SPATA17: variants seen among roughly 807,000 people sequenced by gnomAD.
SPATA17 encodes spermatogenesis-associated protein 17.
Under a neutral mutation model 62.2 loss-of-function variants are expected in SPATA17, and 53 were observed. The observed-to-expected ratio is 0.85, with a 90% CI of 0.68 to 1.07. SPATA17 has a LOEUF of 1.07. SPATA17 is among the 50% of genes least tolerant of loss of function. The pLI, the probability that SPATA17 is intolerant of heterozygous loss-of-function variation, is 0.00. For missense variants in SPATA17, 466 were observed against 425.5 expected (o/e 1.10, Z -0.84); for synonymous variants, 146 against 146.8 (o/e 0.99, Z 0.04).
In SPATA17 at chr1:217,732,084, T is replaced by TTCTCTC. The variant is rs60691625; in HGVS notation, c.396-9873_396-9868dup. Among the ~76,000 whole-genome samples the TTCTCTC allele has an allele frequency of 4.2e-4, 63 of 148,822 alleles. 1 individual carries two copies. The highest frequency in any genetic ancestry group is 8.1e-4 in the African/African-American group (33 of 40,640). On this transcript the variant is annotated intron_variant, in intron 5 of 10. Coordinates refer to ENST00000366933, the MANE Select transcript of SPATA17 (RefSeq NM_138796.4). The stretch of plus-strand genomic sequence containing the variant: ...AATGGAGAAAGAAAATTACTCCAGT[T>TTCTCTC]TCTCTCTCTCTCTCTCTCTCTCTGT...
chr1:217,866,431 G>A (rs1009252938), intron 10 of SPATA17: 1 of 151,962 alleles, frequency 6.6e-6, no homozygotes, highest in African/African-American at 2.4e-5. Context: ...ATCAAGATAG[G>A]CTTTTTTGTT....
intron 8 of SPATA17, among the ~76,000 whole-genome samples, chr1:217,801,086 AT>A (rs1245637876): frequency 1.3e-5 from 2 of 152,076 alleles, no homozygotes; most frequent in Non-Finnish European, 2.9e-5. Context: ...TATTGGACAC[AT>A]TTTTTTCAGC....
At position 217,837,039 on chromosome 1, in the gene SPATA17, A is replaced by T. The variant is rs112790147; in HGVS notation, c.1006-25735A>T. ...ATTGTGGGAGTAAAGCCTTCCCCAC[A>T]GTGCAGTACCCAAATAGAAGTAATC... is the stretch of plus-strand genomic sequence containing the variant. On this transcript the variant is annotated intron_variant, in intron 9 of 10. Coordinates refer to ENST00000366933, the MANE Select transcript of SPATA17 (RefSeq NM_138796.4). Among the ~76,000 whole-genome samples, 955 of 152,260 alleles carry T rather than the reference A, an allele frequency of 6.3e-3. 4 individuals carry two copies. The highest frequency in any genetic ancestry group is 0.021 in the African/African-American group (888 of 41,574).
chr1:217,730,219 A>AT (rs200764601), intron 5 of SPATA17, among the ~76,000 whole-genome samples: 3,226 of 142,080 alleles, frequency 0.023, 45 homozygotes, highest in Admixed American at 0.054. Flanking sequence ...CAGTAAAGTG[A>AT]TTTTTTTTTT....
intron 6 of SPATA17, among the ~76,000 whole-genome samples, chr1:217,753,772 A>G (rs1672972828): frequency 6.6e-6 from 1 of 152,160 alleles, no homozygotes; most frequent in African/African-American, 2.4e-5. Context: ...AAGCCAGAAA[A>G]GAATTAGGAC....
intron 5 of SPATA17, among the ~76,000 whole-genome samples, chr1:217,737,497 T>C (rs949672602): frequency 6.6e-6 from 1 of 152,110 alleles, no homozygotes; most frequent in African/African-American, 2.4e-5. Flanking sequence ...AGTTGAATTG[T>C]ACCAGGAGGT....
At chr1:217,683,588 G>A (rs12068297) in intron 5 of SPATA17, among the ~76,000 whole-genome samples, 7,307 of 151,984 alleles carry the variant, frequency 0.048, 573 homozygotes, top group African/African-American at 0.16. Flanking sequence ...ACAGGCGCCC[G>A]CCACCACAGC....
intron 8 of SPATA17, among the ~76,000 whole-genome samples, chr1:217,793,226 T>G (rs997969587): frequency 6.9e-6 from 1 of 145,466 alleles, no homozygotes; most frequent in African/African-American, 2.5e-5. Context: ...TTTTTGTTTT[T>G]TTTTTTTTTT....
chr1:217,725,038 T>A (rs551410221), intron 5 of SPATA17, among the ~76,000 whole-genome samples: 1 of 152,320 alleles, frequency 6.6e-6, no homozygotes, highest in East Asian at 1.9e-4. Context: ...CTTCTTTGCA[T>A]GATTTTAAGA....
chr1:217,823,748 T>C (rs1475944921), intron 9 of SPATA17, among the ~76,000 whole-genome samples: 5 of 152,032 alleles, frequency 3.3e-5, no homozygotes, highest in Non-Finnish European at 5.9e-5. Context: ...AGTGTATCTC[T>C]CTCTTTAGAT....
intron 3 of SPATA17, among the ~76,000 whole-genome samples, chr1:217,659,178 G>A (rs1438464380): frequency 6.8e-6 from 1 of 146,304 alleles, no homozygotes; most frequent in Non-Finnish European, 1.5e-5. Flanking sequence ...AGGAGACTTT[G>A]CCCATCAAAA....
intron 6 of SPATA17, among the ~76,000 whole-genome samples, chr1:217,756,823 T>A (rs927763831): frequency 6.6e-6 from 1 of 152,206 alleles, no homozygotes; most frequent in Admixed American, 6.5e-5. Context: ...CTACTTAGTA[T>A]TTTCATCTTT....
intron 5 of SPATA17, among the ~76,000 whole-genome samples, chr1:217,690,277 C>A (rs1004260691): frequency 6.6e-5 from 10 of 152,042 alleles, no homozygotes; most frequent in Non-Finnish European, 1.5e-4. Context: ...ATCTACCTTA[C>A]ATTTAATCTT....
At chr1:217,775,680 G>A (rs1439983425) in intron 7 of SPATA17, among the ~76,000 whole-genome samples, 8 of 151,772 alleles carry the variant, frequency 5.3e-5, no homozygotes, top group Admixed American at 4.6e-4. Context: ...CCAGCCTGGC[G>A]ACCGATCTAT....
intron 6 of SPATA17, among the ~76,000 whole-genome samples, chr1:217,743,168 A>C (rs1048922474): frequency 3.9e-5 from 6 of 152,112 alleles, no homozygotes; most frequent in African/African-American, 2.4e-5. Flanking sequence ...ACAGATACAA[A>C]GCTAGTAGAA....
At chr1:217,775,813 A>C (rs1047758670) in intron 7 of SPATA17, among the ~76,000 whole-genome samples, 1 of 152,112 alleles carries the variant, frequency 6.6e-6, no homozygotes, top group African/African-American at 2.4e-5. Flanking sequence ...TTAAATAATA[A>C]ACATAAAGTA....
At chr1:217,788,609 G>A (rs906646682) in intron 8 of SPATA17, among the ~76,000 whole-genome samples, 2 of 152,084 alleles carry the variant, frequency 1.3e-5, no homozygotes, top group South Asian at 2.1e-4. Context: ...TGCAATGTGA[G>A]GAGGGTTCAA....
In SPATA17 at chr1:217,734,356, ATTTGACTATTTTAAT is replaced by A. The variant is rs568424968; in HGVS notation, c.396-7616_396-7602del. Among the ~76,000 whole-genome samples, 4 of 152,300 alleles carry A rather than the reference ATTTGACTATTTTAAT, an allele frequency of 2.6e-5. No individual in the cohort carries two copies. In the East Asian group the frequency reaches 7.7e-4, roughly 29 times the overall value. ...ATACACCACAGCAGAAACTAATGCC[ATTTGACTATTTTAAT>A]TTGTTTAATTTTTTGGAGACAGGGT... On this transcript the variant is annotated intron_variant, in intron 5 of 10. Transcript: ENST00000366933.
chr1:217,816,063 A>T (rs1186422340), intron 9 of SPATA17, among the ~76,000 whole-genome samples: 1 of 151,578 alleles, frequency 6.6e-6, no homozygotes, highest in Admixed American at 6.6e-5. Flanking sequence ...GGTTATTCTC[A>T]GTGGTTTTTA....
Sources: gnomAD v4.1 joint callset for allele counts (sites outside exome capture counted in the v4.1 genomes callset) on GRCh38, gnomAD v4.1.1 for gene constraint, MANE v1.5 for transcripts, NCBI Gene and HGNC (gene_info 2026-07-23, HGNC 2026-07-21) for gene names.